The following CIZ1 variants were observed in gnomAD, a reference collection of about 807,000 sequenced individuals.
CIZ1 encodes CDKN1A interacting zinc finger protein 1, also known as cip1-interacting zinc finger protein.
Under a neutral mutation model 118.6 loss-of-function variants are expected in CIZ1, and 58 were observed. The ratio of observed to expected loss-of-function variants is 0.49; its 90% CI spans 0.40 to 0.61. The LOEUF is 0.61. Among genes scored for constraint, CIZ1 ranks in the 20% least tolerant of loss-of-function variants. The pLI is 0.00. For missense variants in CIZ1, 921 were observed against 1,115.9 expected, an observed-to-expected ratio of 0.83 and a Z score of 2.49; for synonymous variants, 448 against 443.4, an observed-to-expected ratio of 1.01 and a Z score of -0.13.
intron 11 of CIZ1, 26 bp downstream of exon 11, chr9:128,176,325 C>T: frequency 6.2e-7 from 1 of 1,611,600 alleles, no homozygotes; most frequent in Non-Finnish European, 8.5e-7. Flanking sequence ...CCCCCCAACA[C>T]AGAGCTTCCA....
intron 3 of CIZ1, among the ~76,000 whole-genome samples, chr9:128,188,987 C>T (rs1298078367): frequency 6.6e-6 from 1 of 152,032 alleles, no homozygotes; most frequent in Admixed American, 6.6e-5. Context: ...TTAGTAGAGA[C>T]GGGGTTTCAC....
In CIZ1 at chr9:128,179,117, G is replaced by A; in HGVS notation, c.1090C>T (p.Gln364Ter). The change falls in exon 8 of 17, where the codon CAG becomes TAG. Residue 364 changes from glutamine (Q) to a stop codon, truncating the protein, a stop_gained. Coordinates refer to ENST00000372938, the MANE Select transcript of CIZ1 (RefSeq NM_001131016.2). LOFTEE classifies it high-confidence loss of function. ...TGTGGCTCTGCCTCCTGCTGCAGCT[G>A]TGGCTGCACCTGCTTCTGTTGCAGC... ...LVLQQKQVQP[Q>*]LQQEAEPQKQ... is the part of the protein sequence containing the mutation. The A allele has an allele frequency of 1.2e-6, 2 of 1,614,134 alleles. No homozygotes were observed. The highest frequency in any genetic ancestry group is 1.7e-6 in the Non-Finnish European group (2 of 1,180,016).
At chr9:128,173,939 G>A (rs551321990) in intron 11 of CIZ1, among the ~76,000 whole-genome samples, 2 of 152,162 alleles carry the variant, frequency 1.3e-5, no homozygotes, top group Admixed American at 1.3e-4. Flanking sequence ...CCAGGAGGCG[G>A]AGCTTGCAGT....
chr9:128,201,390 C>G (rs530343214), intron 1 of CIZ1, among the ~76,000 whole-genome samples: 1 of 152,280 alleles, frequency 6.6e-6, no homozygotes, highest in Admixed American at 6.5e-5. Context: ...GCAGAGGTTG[C>G]AGTGAGCTGA....
intron 3 of CIZ1, among the ~76,000 whole-genome samples, chr9:128,188,782 G>A (rs370709643): frequency 1.6e-4 from 24 of 151,568 alleles, no homozygotes; most frequent in African/African-American, 5.8e-4. Context: ...ACAGGCGCAC[G>A]CCACCACGCC....
At chr9:128,191,617 A>T (rs1183919653), upstream of CIZ1, 1 of 1,200,240 alleles carries the variant, frequency 8.3e-7, no homozygotes, top group East Asian at 3.5e-5. The surrounding 1 kb of genome is among the most constrained non-coding windows in gnomAD (Gnocchi z 5.5). Context: ...CCTCTGGGGG[A>T]CGGGAGGTCC....
chr9:128,180,793 G>T lies in CIZ1; in HGVS notation c.610C>A (p.Pro204Thr). The change falls in exon 6 of 17, where the codon CCT (proline) becomes ACT (threonine). Residue 204 changes from proline to threonine, a missense_variant. Transcript: ENST00000372938. ...GGGGGGTCTGACTTGTCTTCCACAGGCATTGTCTGAGAAGAAGAATCCTGC... is the reference window on the plus strand; with the variant it reads ...GGGGGGTCTGACTTGTCTTCCACAGTCATTGTCTGAGAAGAAGAATCCTGC... ...NRKDSSSQTM[P>T]VEDKSDPPEG... 6.2e-7 allele frequency: 1 copy of T among 1,610,894 alleles called. No homozygotes were observed. The highest frequency in any genetic ancestry group is 8.5e-7 in the Non-Finnish European group (1 of 1,178,752).
intron 14 of CIZ1, 109 bp from the exon 15 acceptor site, chr9:128,167,273 T>G: frequency 1.2e-6 from 1 of 801,662 alleles, no homozygotes; most frequent in Non-Finnish European, 1.9e-6. Flanking sequence ...AGAATCCCCT[T>G]GATTTCCAGG....
intron 7 of CIZ1, 142 bp from the exon 8 acceptor site, chr9:128,179,557 G>C (rs185758388): frequency 1.5e-3 from 1,069 of 703,144 alleles, no homozygotes; most frequent in Non-Finnish European, 2.2e-3. Context: ...TGGATCATTT[G>C]AGGTCAGGAG....
At position 128,203,359 on chromosome 9, in the gene CIZ1, G is replaced by T. The variant is rs1220866521; in HGVS notation, c.-6+827C>A. ...GTGCTCGCTCCGATCCCCGAGGGGC[G>T]GGGGCCCCGCGGCGCAGGCAGTCTG... On this transcript the variant is annotated intron_variant, in intron 1 of 17. Transcript: ENST00000372948. The surrounding 1 kb of genome is among the most constrained non-coding windows in gnomAD (Gnocchi z 5.3). 4.4e-5 allele frequency: 47 copies of T among 1,061,296 alleles called. No homozygotes were observed. Among genetic ancestry groups the T allele is most frequent in the Admixed American group, 1.4e-4 (3 of 21,676 alleles). 65.7% of individuals were successfully genotyped at this position (1,061,296 alleles called of 1,614,324 possible).
chr9:128,183,100 T>G (rs958401755), intron 5 of CIZ1, among the ~76,000 whole-genome samples: 3 of 152,100 alleles, frequency 2.0e-5, no homozygotes, highest in African/African-American at 7.2e-5. Context: ...CTCTGGCCAG[T>G]CCAAGGCACC....
Position 128,179,405 on chromosome 9 carries a change from G to A in CIZ1, c.802C>T (p.Pro268Ser). 1 of 1,591,906 alleles carries A rather than the reference G, an allele frequency of 6.3e-7. No homozygotes were observed. The highest frequency in any genetic ancestry group is 8.5e-7 in the Non-Finnish European group (1 of 1,171,846). ...TGCCCTGGAGGTTCCTTCTCTGTGG[G>A]CTCTTCTGAGCTAGGAAGGATCAAA... The part of the protein sequence containing the change: ...PAKRLRSSEE[P>S]TEKEPPGQLQ... Residue 268 changes from proline (P) to serine (S), a missense_variant, in exon 8 of 17, where the codon CCC (proline) becomes TCC (serine). Physicochemically the swap from Pro to Ser is moderately conservative, Grantham distance 74. Coordinates refer to ENST00000372938, the MANE Select transcript of CIZ1 (RefSeq NM_001131016.2).
At chr9:128,181,695 C>T (rs1179723376) in intron 5 of CIZ1, among the ~76,000 whole-genome samples, 1 of 149,106 alleles carries the variant, frequency 6.7e-6, no homozygotes, top group Non-Finnish European at 1.5e-5. Flanking sequence ...CGTTACCAGG[C>T]GGATCATGGT....
At chr9:128,198,158 A>G (rs1833423329) in intron 1 of CIZ1, 1 of 152,352 alleles carries the variant, frequency 6.6e-6, no homozygotes. Flanking sequence ...CCAGCCTGCA[A>G]CCATGTAGAG....
chr9:128,177,310 G>A (rs957114783), intron 10 of CIZ1, among the ~76,000 whole-genome samples: 13 of 152,144 alleles, frequency 8.5e-5, no homozygotes, highest in Non-Finnish European at 1.5e-4. Flanking sequence ...ACCTGCTTGA[G>A]CCCAAGAGGT....
chr9:128,184,984 A>T (rs1435453742), intron 5 of CIZ1, among the ~76,000 whole-genome samples: 1 of 152,126 alleles, frequency 6.6e-6, no homozygotes, highest in African/African-American at 2.4e-5. Flanking sequence ...CAATAATTTA[A>T]AAAGAAATAT....
At chr9:128,192,482 C>A (rs570530883), upstream of CIZ1, among the ~76,000 whole-genome samples, 82 of 151,866 alleles carry the variant, frequency 5.4e-4, no homozygotes, top group Non-Finnish European at 1.1e-3. Context: ...ACCGCTGTAT[C>A]CCCCCATCCC....
chr9:128,175,301 C>T (rs45619435), intron 11 of CIZ1, among the ~76,000 whole-genome samples: 4 of 152,244 alleles, frequency 2.6e-5, no homozygotes, highest in African/African-American at 4.8e-5. Context: ...GATCATTTCC[C>T]GTTAGATTTT....
At chr9:128,175,087 T>A (rs914031138) in intron 11 of CIZ1, among the ~76,000 whole-genome samples, 1 of 152,228 alleles carries the variant, frequency 6.6e-6, no homozygotes, top group African/African-American at 2.4e-5. Context: ...ACGTATGTCC[T>A]TTTAGTTTTC....
Sources: allele counts gnomAD v4.1 joint callset (sites outside exome capture counted in the v4.1 genomes callset), GRCh38; gene constraint gnomAD v4.1.1; non-coding constraint Gnocchi (gnomAD v3.1); transcripts MANE v1.5; gene names NCBI Gene and HGNC (gene_info 2026-07-23, HGNC 2026-07-21).